RASGRP1: variants seen among roughly 807,000 people sequenced by gnomAD.
The protein encoded by RASGRP1 is RAS guanyl releasing protein 1, also known as RAS guanyl-releasing protein 1.
A neutral mutation model predicts 95.1 loss-of-function variants in RASGRP1; 37 were observed. The ratio of observed to expected loss-of-function variants is 0.39; its 90% CI spans 0.30 to 0.51. The LOEUF (loss-of-function observed/expected upper bound fraction) is 0.51, where lower values mean the gene tolerates loss of function less well. Ranked by LOEUF, RASGRP1 falls within the 20% of genes least tolerant of loss-of-function variation. The pLI is 0.80. For synonymous variants in RASGRP1, 325 were observed against 353.4 expected, an observed-to-expected ratio of 0.92 and a Z score of 0.90; for missense variants, 711 against 965.4, an observed-to-expected ratio of 0.74 and a Z score of 3.49.
intron 2 of RASGRP1, among the ~76,000 whole-genome samples, chr15:38,559,604 A>G (rs1182260771): frequency 6.6e-6 from 1 of 152,198 alleles, no homozygotes; most frequent in Non-Finnish European, 1.5e-5. Context: ...AAACTCTCCT[A>G]ACTTTTCTCA....
chr15:38,550,009 G>C (rs1893266252), intron 2 of RASGRP1, among the ~76,000 whole-genome samples: 1 of 151,948 alleles, frequency 6.6e-6, no homozygotes, highest in South Asian at 2.1e-4. Flanking sequence ...TGTAATCCCA[G>C]CACTTTGAGA....
rs1890729701 is a variant in RASGRP1, at chr15:38,494,714, C to T, written c.1927G>A (p.Glu643Lys). The change falls in exon 16 of 17, where the codon GAG (glutamate) becomes AAG (lysine). Residue 643 changes from glutamate to lysine, a missense_variant. Physicochemically the swap from Glu to Lys is moderately conservative, Grantham distance 56. Around this residue, in one of 3 missense-constraint regions of RASGRP1, gnomAD observed 212 missense variants for 247.8 expected, o/e 0.86. Coordinates refer to ENST00000310803, the MANE Select transcript of RASGRP1 (RefSeq NM_005739.4). Reference protein sequence around the residue: ...FPNGEAVEHGEESKDRTIMLM... With the variant: ...FPNGEAVEHGKESKDRTIMLM... The stretch of plus-strand genomic sequence containing the variant: ...ATGATGGTCCGATCCTTACTCTCCT[C>T]ACCATGTTCCACAGCCTCCCCATTA... 4.6e-6 allele frequency: 7 copies of T among 1,517,944 alleles called. No individual in the cohort carries two copies. Among genetic ancestry groups the T allele is most frequent in the Non-Finnish European group, 6.2e-6 (7 of 1,136,100 alleles). The allele number at this position is 1,517,944 out of a possible 1,614,324, so 94.0% of individuals were successfully genotyped here. A position where few individuals can be genotyped will look rare whatever the true frequency, so the allele number is the denominator to read the frequency against.
intron 3 of RASGRP1, among the ~76,000 whole-genome samples, chr15:38,521,148 T>A (rs1315281087): frequency 2.0e-5 from 3 of 152,208 alleles, no homozygotes; most frequent in African/African-American, 7.2e-5. Flanking sequence ...TGGCTTTATG[T>A]TTCTTTATGC....
At chr15:38,498,225 C>T (rs1018714108) in intron 15 of RASGRP1, among the ~76,000 whole-genome samples, 3 of 152,166 alleles carry the variant, frequency 2.0e-5, no homozygotes, top group Admixed American at 6.5e-5. Context: ...GTCTCTGTTA[C>T]TATGCAGAAA....
chr15:38,550,559 T>C (rs1448742049), intron 2 of RASGRP1, among the ~76,000 whole-genome samples: 2 of 152,186 alleles, frequency 1.3e-5, no homozygotes, highest in African/African-American at 4.8e-5. Flanking sequence ...TTTTATGTCC[T>C]ATATTTGAAG....
chr15:38,559,503 C>T (rs575978796), intron 2 of RASGRP1, among the ~76,000 whole-genome samples: 1 of 152,288 alleles, frequency 6.6e-6, no homozygotes, highest in South Asian at 2.1e-4. Flanking sequence ...AAGGCAAGGA[C>T]AGAAAAGTCT....
At chr15:38,550,242 C>CAAAAAAAAAAAAAAAAAAAAA (rs56383365) in intron 2 of RASGRP1, among the ~76,000 whole-genome samples, 1 of 89,044 alleles carries the variant, frequency 1.1e-5, no homozygotes, top group African/African-American at 3.8e-5. Context: ...ACTCTGTCGC[C>CAAAAAAAAAAAAAAAAAAAAA]AAAAAAAAAA....
intron 2 of RASGRP1, among the ~76,000 whole-genome samples, chr15:38,532,050 G>A (rs1053269816): frequency 1.3e-5 from 2 of 152,178 alleles, no homozygotes; most frequent in East Asian, 1.9e-4. Flanking sequence ...TTTGAAAGAC[G>A]AGATTTTCAA....
intron 2 of RASGRP1, among the ~76,000 whole-genome samples, chr15:38,542,501 C>T (rs1455876605): frequency 6.6e-6 from 1 of 151,620 alleles, no homozygotes; most frequent in Non-Finnish European, 1.5e-5. Context: ...CTGATTTAGA[C>T]CATTGAGTTC....
At chr15:38,553,267 T>A (rs74009831) in intron 2 of RASGRP1, among the ~76,000 whole-genome samples, 8,030 of 152,232 alleles carry the variant, frequency 0.053, 700 homozygotes, top group African/African-American at 0.18. Flanking sequence ...AGTTCTAACA[T>A]CAGCAGGTGG....
intron 2 of RASGRP1, among the ~76,000 whole-genome samples, chr15:38,542,115 A>T (rs1892888409): frequency 6.6e-6 from 1 of 152,012 alleles, no homozygotes; most frequent in Admixed American, 6.6e-5. Context: ...GATCACTTGA[A>T]CCCAGGAGTT....
chr15:38,526,476 C>A, intron 2 of RASGRP1, 72 bp from the exon 3 acceptor site: 6 of 1,101,968 alleles, frequency 5.4e-6, no homozygotes, highest in South Asian at 2.6e-5. Context: ...CACCTGCAAA[C>A]CCTCTGTGAC....
intron 2 of RASGRP1, among the ~76,000 whole-genome samples, chr15:38,554,880 C>T (rs143123750): frequency 1.3e-5 from 2 of 152,218 alleles, no homozygotes; most frequent in Non-Finnish European, 2.9e-5. Flanking sequence ...GTGTTCTTCA[C>T]ACAGGGCCTG....
chr15:38,498,825 A>G lies in RASGRP1; in HGVS notation c.1842T>C (p.Leu614=). Residue 614 remains leucine, a synonymous_variant, in exon 15 of 17, where the codon CTT becomes CTC. Coordinates refer to ENST00000310803, the MANE Select transcript of RASGRP1 (RefSeq NM_005739.4). The part of the protein sequence containing the change: ...NNTSVGPVSN[L]CSLGAKDLLH... ...GCAGATCTTTGGCTCCCAATGAGCA[A>G]AGGTTGGACACTGGCCCCACAGAAG... is the stretch of plus-strand genomic sequence containing the variant. The G allele has an allele frequency of 6.2e-7, 1 of 1,613,710 alleles. No individual in the cohort carries two copies. Among genetic ancestry groups the G allele is most frequent in the Non-Finnish European group, 8.5e-7 (1 of 1,179,826 alleles).
chr15:38,533,754 A>G (rs1043806167), intron 2 of RASGRP1, among the ~76,000 whole-genome samples: 4 of 152,218 alleles, frequency 2.6e-5, no homozygotes, highest in African/African-American at 7.2e-5. Flanking sequence ...CCTGCTTTTC[A>G]GGGAAAGTGA....
rs763885532 is a variant in RASGRP1, at chr15:38,501,307, G to A, written c.1539-20C>T. 1.2e-6 allele frequency: 2 copies of A among 1,613,146 alleles called. No homozygotes were observed. Among genetic ancestry groups the A allele is most frequent in the Admixed American group, 1.7e-5 (1 of 60,020 alleles). ...CCTTCCCTGCCGGCAGATGACCAAG[G>A]CAAGGATGTGAGTATAAGGGGCATG... On this transcript the variant is annotated intron_variant, in intron 12 of 16. Coordinates refer to ENST00000310803, the MANE Select transcript of RASGRP1 (RefSeq NM_005739.4).
intron 2 of RASGRP1, among the ~76,000 whole-genome samples, chr15:38,541,362 G>A (rs780003540): frequency 3.9e-5 from 6 of 152,152 alleles, no homozygotes; most frequent in Admixed American, 3.3e-4. Context: ...AGTCTGGGGC[G>A]GGAGGATCAC....
Position 38,511,610 on chromosome 15 carries a change from G to C in RASGRP1, c.960C>G (p.Ile320Met), listed in dbSNP as rs1053788655. 2 of 1,611,704 alleles carry C rather than the reference G, an allele frequency of 1.2e-6. No individual in the cohort carries two copies. The highest frequency in any genetic ancestry group is 1.7e-6 in the Non-Finnish European group (2 of 1,178,082). The stretch of plus-strand genomic sequence containing the variant: ...AGAAGACAGTAGCACTGACCTTATT[G>C]ATTTCATGTGGGACATGCGAACTTG... The part of the protein sequence containing the change: ...KETSSHVPHE[I>M]NKVLGEMTEL... The change falls in exon 8 of 17, where the codon ATC becomes ATG. Residue 320 changes from isoleucine (I) to methionine (M), a missense_variant. By Grantham distance (10) the Ile-to-Met change is conservative (BLOSUM62 1). Around this residue, in one of 3 missense-constraint regions of RASGRP1, gnomAD observed 491 missense variants for 676.6 expected, o/e 0.73. Coordinates refer to ENST00000310803, the MANE Select transcript of RASGRP1 (RefSeq NM_005739.4).
At chr15:38,518,796 T>C (rs957272363) in intron 4 of RASGRP1, among the ~76,000 whole-genome samples, 4 of 152,198 alleles carry the variant, frequency 2.6e-5, no homozygotes, top group African/African-American at 9.7e-5. Context: ...GAATATTACA[T>C]GGCTATTAAA....
Sources: allele counts gnomAD v4.1 joint callset (sites outside exome capture counted in the v4.1 genomes callset), GRCh38; gene constraint gnomAD v4.1.1; regional missense constraint gnomAD v4.1.1; transcripts MANE v1.5; gene names NCBI Gene and HGNC (gene_info 2026-07-23, HGNC 2026-07-21).